The following ERI1 variants were observed in gnomAD, a reference collection of about 807,000 sequenced individuals.
ERI1 encodes the protein 3'-5' exoribonuclease 1.
ERI1 carries 39 observed loss-of-function variants against 39.7 expected under a neutral mutation model. The ratio of observed to expected loss-of-function variants is 0.98; its 90% CI spans 0.76 to 1.28. The LOEUF (loss-of-function observed/expected upper bound fraction) is 1.28. Among genes scored for constraint, ERI1 ranks in the 50% most tolerant of loss-of-function variants. The pLI is 0.00. For synonymous variants in ERI1, 204 were observed against 149.6 expected (o/e 1.36, Z -2.65); for missense variants, 581 against 416.9 (o/e 1.39, Z -3.43).
intron 3 of ERI1, among the ~76,000 whole-genome samples, chr8:9,072,936 C>T (rs79106794): frequency 0.019 from 2,955 of 152,316 alleles, 104 homozygotes; most frequent in African/African-American, 0.066. Context: ...ATGCGTCTTT[C>T]GGCCTCCTCT....
At chr8:9,089,895 A>T (rs926243095) in intron 3 of ERI1, among the ~76,000 whole-genome samples, 2 of 151,184 alleles carry the variant, frequency 1.3e-5, no homozygotes, top group African/African-American at 4.9e-5. Flanking sequence ...GAGGAGGAGG[A>T]TGTGAATGTG....
intron 3 of ERI1, among the ~76,000 whole-genome samples, chr8:9,045,876 A>G (rs564588381): frequency 3.9e-4 from 59 of 151,892 alleles, no homozygotes; most frequent in Middle Eastern, 3.4e-3. Flanking sequence ...ATGGGGTTGC[A>G]CCGTGTTGGC....
At chr8:9,016,295 C>G (rs768074086) in intron 3 of ERI1, 27 bp from the exon 4 acceptor site, 1 of 1,479,168 alleles carries the variant, frequency 6.8e-7, no homozygotes, top group Non-Finnish European at 9.3e-7. Context: ...ATATAAATTA[C>G]TTTAACTTGC....
At chr8:9,065,288 G>T (rs183548390) in intron 3 of ERI1, among the ~76,000 whole-genome samples, 2 of 152,112 alleles carry the variant, frequency 1.3e-5, no homozygotes, top group Non-Finnish European at 2.9e-5. Context: ...TTCTTTCTAC[G>T]AGGTTTCTTT....
intron 3 of ERI1, among the ~76,000 whole-genome samples, chr8:9,067,098 A>C (rs1024026628): frequency 7.2e-5 from 11 of 152,200 alleles, no homozygotes; most frequent in African/African-American, 2.7e-4. Context: ...TAAAAATCGC[A>C]TGAGTCTCCA....
At chr8:9,017,075 T>G (rs916154646) in intron 4 of ERI1, among the ~76,000 whole-genome samples, 3 of 152,132 alleles carry the variant, frequency 2.0e-5, no homozygotes, top group Non-Finnish European at 2.9e-5. Context: ...AGTCTCACTC[T>G]GTTGCCCAGG....
intron 3 of ERI1, among the ~76,000 whole-genome samples, chr8:9,054,488 A>G (rs1183825498): frequency 5.9e-5 from 9 of 152,248 alleles, no homozygotes; most frequent in Admixed American, 5.9e-4. Flanking sequence ...ACACCCCTAC[A>G]ACAAAAGACA....
chr8:9,032,101 C>T lies in ERI1; in HGVS notation c.*2067C>T, dbSNP rs889026549. The stretch of plus-strand genomic sequence containing the variant: ...CTCTGTTGAGTCTCTGTCCTCCCCT[C>T]CAATTTGATTTGGGATTTTGCTGAT... On this transcript the variant is annotated 3_prime_UTR_variant, in exon 7 of 7. Coordinates refer to ENST00000250263, the MANE Select transcript of ERI1 (RefSeq NM_153332.4). 2 of 152,106 alleles carry T rather than the reference C, an allele frequency of 1.3e-5. No homozygotes were observed. The highest frequency in any genetic ancestry group is 2.9e-5 in the Non-Finnish European group (2 of 68,044). The allele number at this position is 152,106 out of a possible 1,614,324, so 9.4% of individuals were successfully genotyped here. A position where few individuals can be genotyped will look rare whatever the true frequency, so the allele number is the denominator to read the frequency against.
chr8:9,083,256 C>A (rs368684473), intron 3 of ERI1, among the ~76,000 whole-genome samples: 2 of 152,136 alleles, frequency 1.3e-5, no homozygotes, highest in African/African-American at 4.8e-5. Context: ...AATATTACTT[C>A]TTTTATTCCT....
intron 3 of ERI1, among the ~76,000 whole-genome samples, chr8:9,074,311 A>T (rs547066044): frequency 1.9e-4 from 28 of 150,660 alleles, no homozygotes; most frequent in African/African-American, 6.6e-4. Flanking sequence ...GAGTTTCACC[A>T]TGTTGGCCAG....
rs890134257 is a variant in ERI1 at position 9,031,794 on chromosome 8, G to C, written c.*1760G>C. 1 of 152,166 alleles carries C rather than the reference G, an allele frequency of 6.6e-6. No homozygotes were observed. Among genetic ancestry groups the C allele is most frequent in the Non-Finnish European group, 1.5e-5 (1 of 68,068 alleles). 9.4% of individuals were successfully genotyped at this position (152,166 alleles called of 1,614,324 possible). On this transcript the variant is annotated 3_prime_UTR_variant, in exon 7 of 7. Transcript: ENST00000250263. ...GTTGTTTGAGACAGAGTTTTTGCTC[G>C]TCTGCCAGGATGGAGTGCAGTGGTG...
intron 3 of ERI1, among the ~76,000 whole-genome samples, chr8:9,042,994 G>A (rs1214467298): frequency 6.6e-6 from 1 of 152,190 alleles, no homozygotes; most frequent in African/African-American, 2.4e-5. Flanking sequence ...GAAAGGTGTG[G>A]CTGCACTTCC....
At chr8:9,073,202 A>G (rs1292105852) in intron 3 of ERI1, among the ~76,000 whole-genome samples, 5 of 152,254 alleles carry the variant, frequency 3.3e-5, no homozygotes, top group Non-Finnish European at 5.9e-5. Flanking sequence ...TTGGAAGCGC[A>G]GTGAATCAAC....
At chr8:9,087,123 G>C (rs1376470628) in intron 3 of ERI1, among the ~76,000 whole-genome samples, 1 of 151,952 alleles carries the variant, frequency 6.6e-6, no homozygotes, top group Non-Finnish European at 1.5e-5. Flanking sequence ...ATGGTGGTTT[G>C]CTGCACCCAC....
At chr8:9,081,946 A>T (rs1021981370) in intron 3 of ERI1, among the ~76,000 whole-genome samples, 1 of 152,160 alleles carries the variant, frequency 6.6e-6, no homozygotes, top group Non-Finnish European at 1.5e-5. Flanking sequence ...TGTTTTTCTG[A>T]GCAAAAGTTG....
intron 3 of ERI1, among the ~76,000 whole-genome samples, chr8:9,058,124 G>C (rs775964090): frequency 3.9e-5 from 6 of 152,186 alleles, no homozygotes; most frequent in Non-Finnish European, 8.8e-5. Context: ...AGACTGCAGG[G>C]GGTCAAAGGC....
At chr8:9,055,592 T>G (rs34293316) in intron 3 of ERI1, among the ~76,000 whole-genome samples, 33,669 of 151,984 alleles carry the variant, frequency 0.22, 4,296 homozygotes, top group Non-Finnish European at 0.3. Flanking sequence ...TAGACTGGAG[T>G]GCAGTGGTGC....
At chr8:9,065,835 C>G (rs1442010508) in intron 3 of ERI1, among the ~76,000 whole-genome samples, 4 of 151,930 alleles carry the variant, frequency 2.6e-5, no homozygotes, top group Non-Finnish European at 5.9e-5. Flanking sequence ...GTTTTGATTC[C>G]TTTTTCCTCT....
chr8:9,057,369 T>C (rs1404517898), intron 3 of ERI1, among the ~76,000 whole-genome samples: 1 of 152,210 alleles, frequency 6.6e-6, no homozygotes, highest in African/African-American at 2.4e-5. Flanking sequence ...TGGGCTGTGC[T>C]GCCTCACACA....
Sources: allele counts gnomAD v4.1 joint callset (sites outside exome capture counted in the v4.1 genomes callset), GRCh38; gene constraint gnomAD v4.1.1; transcripts MANE v1.5; gene names NCBI Gene and HGNC (gene_info 2026-07-23, HGNC 2026-07-21).